ATP10A: variants seen among roughly 807,000 people sequenced by gnomAD.
ATP10A encodes phospholipid-transporting ATPase VA.
ATP10A carries 111 observed loss-of-function variants against 147.8 expected under a neutral mutation model. The observed-to-expected ratio is 0.75, with a 90% confidence interval of 0.64 to 0.88. The LOEUF (loss-of-function observed/expected upper bound fraction) is 0.88, where lower values mean the gene tolerates loss of function less well. Ranked by LOEUF, ATP10A falls within the 40% of genes least tolerant of loss-of-function variation. The probability of loss-of-function intolerance (pLI) is 0.00; values close to 1 mark genes in which losing one functional copy is unlikely to be tolerated. For synonymous variants in ATP10A, 875 were observed against 841.6 expected (o/e 1.04, Z -0.69); for missense variants, 1,927 against 1,959.0 (o/e 0.98, Z 0.31).
chr15:25,713,576 A>T (rs1348839386), intron 10 of ATP10A, 98 bp downstream of exon 10: 4 of 1,199,632 alleles, frequency 3.3e-6, no homozygotes, highest in Non-Finnish European at 4.7e-6. Flanking sequence ...GAAAAGGATT[A>T]ATGAAAATCA....
At chr15:25,803,566 T>C (rs1005620634) in intron 1 of ATP10A, among the ~76,000 whole-genome samples, 2 of 152,210 alleles carry the variant, frequency 1.3e-5, no homozygotes, top group Non-Finnish European at 2.9e-5. Flanking sequence ...CATCCCCAGA[T>C]GCAGCCTCAA....
chr15:25,820,531 A>G lies in ATP10A; in HGVS notation c.450-39308T>C, dbSNP rs557120174. Reference sequence around the variant, plus strand: ...ATAATTCTAAAACTTACATGGAAAAATAAATAGGTGAAAACACACAAGAAA... The same window carrying G: ...ATAATTCTAAAACTTACATGGAAAAGTAAATAGGTGAAAACACACAAGAAA... On this transcript the variant is annotated intron_variant, in intron 1 of 20. Transcript: ENST00000555815. Among the ~76,000 whole-genome samples, 3 of 152,322 alleles carry G rather than the reference A, an allele frequency of 2.0e-5. No homozygotes were observed. In the South Asian group the frequency reaches 6.2e-4, roughly 32 times the overall value.
intron 15 of ATP10A, among the ~76,000 whole-genome samples, chr15:25,689,736 G>A (rs1899912168): frequency 6.6e-6 from 1 of 152,226 alleles, no homozygotes; most frequent in African/African-American, 2.4e-5. Flanking sequence ...CCTGTTCAAA[G>A]CTGCATCTCT....
chr15:25,723,280 G>A (rs1052691241), intron 6 of ATP10A, among the ~76,000 whole-genome samples: 2 of 151,854 alleles, frequency 1.3e-5, no homozygotes, highest in African/African-American at 2.4e-5. Flanking sequence ...CCCAGGAAGT[G>A]GAGGTTGCAG....
chr15:25,679,683 C>G lies in ATP10A; in HGVS notation c.4158G>C (p.Glu1386Asp), dbSNP rs1271752213. 6.2e-7 allele frequency: 1 copy of G among 1,613,298 alleles called. No homozygotes were observed. Among genetic ancestry groups the G allele is most frequent in the South Asian group, 1.1e-5 (1 of 91,084 alleles). ...ACATGGGGGCCGGTGCGCTCAGCCC[C>G]TCCAGCAGGGTGTGCTCCCTCACTG... Reference protein sequence around the residue: ...SMPVREHTLLEGLSAPAPMSS... With the variant: ...SMPVREHTLLDGLSAPAPMSS... Residue 1386 changes from glutamate to aspartate, a missense_variant, in exon 21 of 21, where the codon GAG becomes GAC. Glu to Asp is a conservative substitution (Grantham distance 45). Coordinates refer to ENST00000555815, the MANE Select transcript of ATP10A (RefSeq NM_024490.4).
At chr15:25,710,507 T>C (rs562273903) in intron 10 of ATP10A, 52 of 152,252 alleles carry the variant, frequency 3.4e-4, no homozygotes, top group African/African-American at 1.2e-3. Context: ...CGAGTGGTGC[T>C]TGCAGACCCA....
At chr15:25,748,296 T>C (rs1887957536) in intron 2 of ATP10A, among the ~76,000 whole-genome samples, 1 of 152,090 alleles carries the variant, frequency 6.6e-6, no homozygotes. Flanking sequence ...CAGAAATATA[T>C]AAAAGATAAT....
At chr15:25,672,335 G>A (rs1300399975), downstream of ATP10A, among the ~76,000 whole-genome samples, 2 of 152,162 alleles carry the variant, frequency 1.3e-5, no homozygotes, top group Non-Finnish European at 2.9e-5. Flanking sequence ...CTTTTAAGAC[G>A]GAATAATATC....
rs543040579 is a variant in ATP10A, at chr15:25,679,108, C to A, written c.*233G>T. 76 of 241,808 alleles carry A rather than the reference C, an allele frequency of 3.1e-4. No homozygotes were observed. The highest frequency in any genetic ancestry group is 5.3e-4 in the Non-Finnish European group (69 of 131,040). The allele number at this position is 241,808 out of a possible 1,614,324, so 15.0% of individuals were successfully genotyped here. ...AAAAAATAAATCTAAACACACTTTT[C>A]AAGTGTTACTCTTCTTTAAACTTTT... is the stretch of plus-strand genomic sequence containing the variant. On this transcript the variant is annotated 3_prime_UTR_variant, in exon 21 of 21. Coordinates refer to ENST00000555815, the MANE Select transcript of ATP10A (RefSeq NM_024490.4).
intron 1 of ATP10A, among the ~76,000 whole-genome samples, chr15:25,837,436 C>T (rs868408416): frequency 4.6e-5 from 7 of 152,144 alleles, no homozygotes; most frequent in Admixed American, 1.3e-4. Flanking sequence ...TGTGATCTCA[C>T]GCTAACAAAC....
At chr15:25,751,304 A>G (rs72705824) in intron 2 of ATP10A, among the ~76,000 whole-genome samples, 6,665 of 152,224 alleles carry the variant, frequency 0.044, 198 homozygotes, top group Non-Finnish European at 0.063. Flanking sequence ...AGAAATACAC[A>G]TATCTGCATT....
chr15:25,743,671 G>A (rs1183366710), intron 2 of ATP10A, among the ~76,000 whole-genome samples: 1 of 152,214 alleles, frequency 6.6e-6, no homozygotes, highest in Non-Finnish European at 1.5e-5. Flanking sequence ...TAAAACAACA[G>A]TCATTTGTTG....
chr15:25,850,072 G>C (rs1245948776), intron 1 of ATP10A, among the ~76,000 whole-genome samples: 1 of 152,172 alleles, frequency 6.6e-6, no homozygotes, highest in Non-Finnish European at 1.5e-5. Context: ...CACGCAGGTC[G>C]ATAAGATTAC....
chr15:25,684,966 T>C (rs1019056647), intron 16 of ATP10A, among the ~76,000 whole-genome samples: 19 of 152,272 alleles, frequency 1.2e-4, no homozygotes, highest in African/African-American at 4.3e-4. Context: ...AAACGAACAT[T>C]TGGTTTTTAT....
intron 1 of ATP10A, among the ~76,000 whole-genome samples, chr15:25,786,646 G>T (rs1471467681): frequency 2.2e-5 from 1 of 44,830 alleles, no homozygotes; most frequent in Admixed American, 2.7e-4. Flanking sequence ...TTTTTTTTGA[G>T]GCGGAGTCTC....
chr15:25,761,686 G>A (rs1381101270), intron 2 of ATP10A, among the ~76,000 whole-genome samples: 2 of 152,184 alleles, frequency 1.3e-5, no homozygotes, highest in African/African-American at 4.8e-5. Context: ...ACTTGCATGG[G>A]GCCTGTAGCC....
chr15:25,713,958 G>C lies in ATP10A; in HGVS notation c.2060C>G (p.Ser687Ter). The C allele has an allele frequency of 1.2e-6, 2 of 1,610,360 alleles. No individual in the cohort carries two copies. Among genetic ancestry groups the C allele is most frequent in the Non-Finnish European group, 1.7e-6 (2 of 1,179,976 alleles). Residue 687 changes from serine (S) to a stop codon, truncating the protein, a stop_gained, in exon 10 of 21, where the codon TCA becomes TGA. Coordinates refer to ENST00000555815, the MANE Select transcript of ATP10A (RefSeq NM_024490.4). LOFTEE classifies it high-confidence loss of function. The stretch of plus-strand genomic sequence containing the variant: ...CGCCTCGTACCGCAGCTCGCGCTCT[G>C]ACTCCTGCTCCTGAGCAAGCTCCGA... ...WASELAQEQE[S>*]ERELRYEAES... is the part of the protein sequence containing the mutation.
intron 1 of ATP10A, among the ~76,000 whole-genome samples, chr15:25,786,474 T>C (rs919951815): frequency 1.3e-5 from 2 of 151,148 alleles, no homozygotes; most frequent in Non-Finnish European, 3.0e-5. Flanking sequence ...CCATGTAGTC[T>C]TTTGAACGAC....
intron 15 of ATP10A, among the ~76,000 whole-genome samples, chr15:25,690,475 G>A (rs530209710): frequency 2.0e-5 from 3 of 152,276 alleles, no homozygotes; most frequent in East Asian, 1.9e-4. Flanking sequence ...CCTGGCCTCT[G>A]GTGATCCTCC....
Sources: gnomAD v4.1 joint callset for allele counts (sites outside exome capture counted in the v4.1 genomes callset) on GRCh38, gnomAD v4.1.1 for gene constraint, MANE v1.5 for transcripts, NCBI Gene and HGNC (gene_info 2026-07-23, HGNC 2026-07-21) for gene names.